IQCM: variants seen among roughly 807,000 people sequenced by gnomAD.
The protein encoded by IQCM is IQ motif containing M.
A neutral mutation model predicts 57.6 loss-of-function variants in IQCM; 45 were observed. That is an observed-to-expected ratio of 0.78 (90% CI 0.62 to 1.00). IQCM has a LOEUF of 1.00. Ranked by LOEUF, IQCM falls within the 50% of genes least tolerant of loss-of-function variation. IQCM has a pLI of 0.00. For missense variants in IQCM, 468 were observed against 511.6 expected (o/e 0.91, Z 0.82); for synonymous variants, 148 against 158.9 (o/e 0.93, Z 0.51).
At chr4:149,494,758 A>ACAGCAAC (rs1742473844) in intron 12 of IQCM, among the ~76,000 whole-genome samples, 1 of 152,156 alleles carries the variant, frequency 6.6e-6, no homozygotes, top group African/African-American at 2.4e-5. Context: ...GGAGAAGCAG[A>ACAGCAAC]CAGCAACCAG....
chr4:149,351,825 T>C lies in IQCM; in HGVS notation c.*126A>G, dbSNP rs2110854481. ...GAAATTATAGATAAACTTGTCAAAG[T>C]TCTTTCTATATTCAAAGATTTTTAT... On this transcript the variant is annotated 3_prime_UTR_variant, in exon 14 of 14. Transcript: ENST00000636793. 2.5e-6 allele frequency: 1 copy of C among 394,742 alleles called. No homozygotes were observed. Among genetic ancestry groups the C allele is most frequent in the East Asian group, 3.6e-5 (1 of 27,820 alleles). 24.5% of individuals were successfully genotyped at this position (394,742 alleles called of 1,614,324 possible).
chr4:149,744,980 C>A (rs1767790014), intron 2 of IQCM, among the ~76,000 whole-genome samples: 1 of 152,082 alleles, frequency 6.6e-6, no homozygotes, highest in Admixed American at 6.6e-5. Context: ...GACAACATCA[C>A]CGAGGCCTGA....
intron 12 of IQCM, among the ~76,000 whole-genome samples, chr4:149,453,918 T>C (rs1737397202): frequency 6.6e-6 from 1 of 151,842 alleles, no homozygotes; most frequent in Non-Finnish European, 1.5e-5. Context: ...GTAATCAATG[T>C]TCTTTGCCGT....
chr4:149,402,347 T>C (rs575551590), intron 13 of IQCM, among the ~76,000 whole-genome samples: 1 of 150,124 alleles, frequency 6.7e-6, no homozygotes, highest in Admixed American at 6.7e-5. Flanking sequence ...TCACAAAATA[T>C]ATAAGGGAGT....
At chr4:149,484,606 A>G (rs1156496580) in intron 12 of IQCM, among the ~76,000 whole-genome samples, 1 of 151,882 alleles carries the variant, frequency 6.6e-6, no homozygotes, top group Non-Finnish European at 1.5e-5. Context: ...CTACACTTTA[A>G]TTTTGTCCCT....
At chr4:149,383,037 T>G (rs1457628852) in intron 13 of IQCM, among the ~76,000 whole-genome samples, 1 of 149,972 alleles carries the variant, frequency 6.7e-6, no homozygotes, top group African/African-American at 2.4e-5. Context: ...ATCAATACCC[T>G]GAAACAGGCA....
In IQCM at chr4:149,614,645, G is replaced by C. The variant is rs1453637970; in HGVS notation, c.681+6484C>G. 1.2e-4 allele frequency among the ~76,000 whole-genome samples: 17 copies of C among 141,068 alleles called. No individual in the cohort carries two copies. In the Admixed American group the frequency reaches 1.3e-3, roughly 10 times the overall value. 92.5% of individuals were successfully genotyped at this position (141,068 alleles called of 152,430 possible). ...CTAGGGCATGGGTGTCCAGTTTTTTGGCTTCCCTGGGCAACATTGGAAGAA... is the reference window on the plus strand; with the variant it reads ...CTAGGGCATGGGTGTCCAGTTTTTTCGCTTCCCTGGGCAACATTGGAAGAA... On this transcript the variant is annotated intron_variant, in intron 8 of 13. Coordinates refer to ENST00000636793, the MANE Select transcript of IQCM (RefSeq NM_001363507.2).
intron 4 of IQCM, among the ~76,000 whole-genome samples, chr4:149,734,744 T>C (rs1766776922): frequency 6.6e-6 from 1 of 152,072 alleles, no homozygotes; most frequent in African/African-American, 2.4e-5. Flanking sequence ...CCTCTATAGA[T>C]GCTCTCCTCC....
At chr4:149,447,702 T>A (rs1736664228) in intron 12 of IQCM, among the ~76,000 whole-genome samples, 1 of 151,468 alleles carries the variant, frequency 6.6e-6, no homozygotes, top group Admixed American at 6.6e-5. Context: ...AGAAGTAGAA[T>A]AAAGACATAA....
intron 12 of IQCM, among the ~76,000 whole-genome samples, chr4:149,530,034 G>C (rs549408593): frequency 6.6e-6 from 1 of 151,944 alleles, no homozygotes; most frequent in African/African-American, 2.4e-5. Flanking sequence ...CCTGCCTTAG[G>C]ACTTGATCCT....
intron 12 of IQCM, among the ~76,000 whole-genome samples, chr4:149,518,352 G>GTA (rs1170018609): frequency 5.9e-5 from 9 of 152,052 alleles, no homozygotes; most frequent in Admixed American, 5.9e-4. Context: ...CTGTGAAAGG[G>GTA]TATTCCCTTA....
At chr4:149,643,252 C>T (rs1758356428) in intron 7 of IQCM, among the ~76,000 whole-genome samples, 1 of 152,094 alleles carries the variant, frequency 6.6e-6, no homozygotes, top group South Asian at 2.1e-4. Flanking sequence ...CACTGAATAC[C>T]TACTTTGTGT....
chr4:149,594,356 T>C (rs545940260), intron 8 of IQCM, among the ~76,000 whole-genome samples: 5 of 152,292 alleles, frequency 3.3e-5, no homozygotes, highest in African/African-American at 4.8e-5. Flanking sequence ...TTTTCTTCTT[T>C]ATTAGTCTTG....
At chr4:149,584,849 T>C (rs1752509446) in intron 9 of IQCM, among the ~76,000 whole-genome samples, 1 of 151,782 alleles carries the variant, frequency 6.6e-6, no homozygotes, top group South Asian at 2.1e-4. Flanking sequence ...CCACTATTTA[T>C]CCATATAAGG....
At chr4:149,528,262 AG>A (rs199859149) in intron 12 of IQCM, among the ~76,000 whole-genome samples, 3,486 of 152,162 alleles carry the variant, frequency 0.023, 101 homozygotes, top group South Asian at 0.14. Context: ...CTGGGATTAC[AG>A]GCGTGAGCCA....
At chr4:149,775,736 C>A (rs538160570) in intron 2 of IQCM, among the ~76,000 whole-genome samples, 1 of 152,192 alleles carries the variant, frequency 6.6e-6, no homozygotes, top group East Asian at 1.9e-4. Flanking sequence ...TATTTAAGTT[C>A]TAGTATCAGC....
intron 7 of IQCM, among the ~76,000 whole-genome samples, chr4:149,632,934 G>A (rs557923090): frequency 8.0e-4 from 122 of 151,776 alleles, no homozygotes; most frequent in Non-Finnish European, 9.6e-4. Context: ...GGCCGAGGCG[G>A]GTGGATCATG....
At chr4:149,805,829 T>C (rs1774029122) in intron 2 of IQCM, among the ~76,000 whole-genome samples, 1 of 152,016 alleles carries the variant, frequency 6.6e-6, no homozygotes, top group Non-Finnish European at 1.5e-5. Context: ...AGCTTCTGGG[T>C]CTTTAGTCTG....
intron 2 of IQCM, among the ~76,000 whole-genome samples, chr4:149,775,047 A>G (rs1770960088): frequency 6.6e-6 from 1 of 150,632 alleles, no homozygotes; most frequent in Admixed American, 6.6e-5. Context: ...TGCCAAAAAA[A>G]AAAAAAAAAA....
Sources: gnomAD v4.1 joint callset for allele counts (sites outside exome capture counted in the v4.1 genomes callset) on GRCh38, gnomAD v4.1.1 for gene constraint, MANE v1.5 for transcripts, NCBI Gene and HGNC (gene_info 2026-07-23, HGNC 2026-07-21) for gene names.